CACHD1: variants seen among roughly 807,000 people sequenced by gnomAD.
CACHD1 encodes cache domain containing 1.
CACHD1 carries 71 observed loss-of-function variants against 138.7 expected under a neutral mutation model. The ratio of observed to expected loss-of-function variants is 0.51; its 90% CI spans 0.42 to 0.62. The LOEUF (loss-of-function observed/expected upper bound fraction) is 0.62, where lower values mean the gene tolerates loss of function less well. Among genes scored for constraint, CACHD1 ranks in the 20% least tolerant of loss-of-function variants. CACHD1 has a pLI of 0.00. For synonymous variants in CACHD1, 578 were observed against 591.5 expected (o/e 0.98, Z 0.33); for missense variants, 1,389 against 1,625.3 (o/e 0.85, Z 2.50).
At chr1:64,610,706 C>T (rs1647501539) in intron 4 of CACHD1, among the ~76,000 whole-genome samples, 2 of 152,214 alleles carry the variant, frequency 1.3e-5, no homozygotes, top group Non-Finnish European at 2.9e-5. Context: ...TGAGTGTTTG[C>T]AGCTTTTCCA....
Position 64,678,322 on chromosome 1 carries a change from A to G in CACHD1, c.3244+12A>G, listed in dbSNP as rs766552310. The G allele has an allele frequency of 1.9e-6, 3 of 1,544,028 alleles. No homozygotes were observed. The highest frequency in any genetic ancestry group is 2.2e-5 in the Admixed American group (1 of 45,018). On this transcript the variant is annotated intron_variant, in intron 23 of 26. Coordinates refer to ENST00000651257, the MANE Select transcript of CACHD1 (RefSeq NM_020925.4). ...CATGGGAGCAATAGGTATGTTTGTT[A>G]GATGCCCCAACAATTTGATTCTTGA...
intron 1 of CACHD1, among the ~76,000 whole-genome samples, chr1:64,528,241 C>T (rs1270899544): frequency 6.6e-6 from 1 of 152,192 alleles, no homozygotes; most frequent in Non-Finnish European, 1.5e-5. Flanking sequence ...AGCTAATTTA[C>T]TGCAAATGAA....
intron 3 of CACHD1, among the ~76,000 whole-genome samples, chr1:64,588,453 GC>G (rs1647070022): frequency 6.8e-6 from 1 of 147,432 alleles, no homozygotes; most frequent in Non-Finnish European, 1.5e-5. Context: ...ACAGAGTCTC[GC>G]TCTGTTGTCC....
At chr1:64,584,865 A>T (rs1427414336) in intron 3 of CACHD1, among the ~76,000 whole-genome samples, 1 of 152,188 alleles carries the variant, frequency 6.6e-6, no homozygotes. Context: ...ATTGAGCATA[A>T]TTAATAGGGC....
chr1:64,533,758 T>TC (rs1646608444), intron 1 of CACHD1, among the ~76,000 whole-genome samples: 1 of 150,476 alleles, frequency 6.6e-6, no homozygotes, highest in Non-Finnish European at 1.5e-5. Flanking sequence ...CTTTTTTTTT[T>TC]TTTTTTTTTG....
chr1:64,658,367 A>G (rs1257387796), intron 12 of CACHD1, among the ~76,000 whole-genome samples: 3 of 152,224 alleles, frequency 2.0e-5, no homozygotes, highest in African/African-American at 7.2e-5. Flanking sequence ...TAAGTGTTAT[A>G]TTATTATGTC....
chr1:64,487,585 A>G (rs1286589788), intron 1 of CACHD1, among the ~76,000 whole-genome samples: 2 of 152,060 alleles, frequency 1.3e-5, no homozygotes, highest in African/African-American at 2.4e-5. Context: ...ACAGGGAATG[A>G]TTTTGATCAT....
At chr1:64,689,996 G>T (rs372921468) in intron 26 of CACHD1, among the ~76,000 whole-genome samples, 1 of 152,170 alleles carries the variant, frequency 6.6e-6, no homozygotes, top group African/African-American at 2.4e-5. Context: ...GAAAGATGAC[G>T]TCTCTTATTC....
At chr1:64,508,233 C>T (rs1404566750) in intron 1 of CACHD1, among the ~76,000 whole-genome samples, 1 of 152,186 alleles carries the variant, frequency 6.6e-6, no homozygotes, top group East Asian at 1.9e-4. Context: ...CAGGCCCCTC[C>T]GTCTTCCAAC....
At chr1:64,594,112 C>T (rs866258784) in intron 3 of CACHD1, among the ~76,000 whole-genome samples, 4 of 151,878 alleles carry the variant, frequency 2.6e-5, no homozygotes, top group Admixed American at 6.6e-5. Context: ...AAATTAGCTG[C>T]GCATGATGGT....
intron 3 of CACHD1, among the ~76,000 whole-genome samples, chr1:64,597,176 G>A (rs1647160168): frequency 6.6e-6 from 1 of 152,104 alleles, no homozygotes; most frequent in Non-Finnish European, 1.5e-5. Context: ...GTGAATCGAG[G>A]CTGAATGAAA....
chr1:64,478,756 T>A (rs1173156357), intron 1 of CACHD1, among the ~76,000 whole-genome samples: 2 of 152,044 alleles, frequency 1.3e-5, no homozygotes, highest in Non-Finnish European at 2.9e-5. Context: ...TTCAACACAA[T>A]GAATGAAGTG....
At chr1:64,683,674 A>G (rs1036229202) in intron 26 of CACHD1, among the ~76,000 whole-genome samples, 1 of 152,224 alleles carries the variant, frequency 6.6e-6, no homozygotes, top group Non-Finnish European at 1.5e-5. Context: ...ATTTTTCTCC[A>G]TAATTGGATC....
chr1:64,654,018 G>A, intron 11 of CACHD1, 137 bp downstream of exon 11: 1 of 762,272 alleles, frequency 1.3e-6, no homozygotes, highest in Middle Eastern at 4.1e-4. Flanking sequence ...TCTCAGTAAT[G>A]TTTCCGTAAG....
At chr1:64,593,435 A>G (rs527456798) in intron 3 of CACHD1, among the ~76,000 whole-genome samples, 2 of 152,312 alleles carry the variant, frequency 1.3e-5, no homozygotes, top group East Asian at 3.9e-4. Flanking sequence ...TACTGTTTTT[A>G]TGAGAAATAA....
At position 64,582,220 on chromosome 1, in the gene CACHD1, T is replaced by C; in HGVS notation, c.326T>C (p.Val109Ala). ...YLDVVNRNKQ[V>A]VEASYTAHLT... ...GATGTGGTCAATCGGAACAAGCAAG[T>C]TGTAGAAGCATCCTATACGGCTCAC... The change falls in exon 3 of 27, where the codon GTT becomes GCT. Residue 109 changes from valine (V) to alanine (A), a missense_variant. Physicochemically the swap from Val to Ala is moderately conservative, Grantham distance 64. Around this residue, in one of 5 missense-constraint regions of CACHD1, gnomAD observed 1,000 missense variants for 1,114.7 expected, o/e 0.90. Transcript: ENST00000651257. 6.2e-7 allele frequency: 1 copy of C among 1,614,042 alleles called. No individual in the cohort carries two copies. Among genetic ancestry groups the C allele is most frequent in the South Asian group, 1.1e-5 (1 of 91,074 alleles).
intron 2 of CACHD1, among the ~76,000 whole-genome samples, chr1:64,573,917 C>G (rs998736554): frequency 6.6e-6 from 1 of 152,090 alleles, no homozygotes; most frequent in Admixed American, 6.6e-5. Flanking sequence ...TCAATTAGTT[C>G]TAATTATTGT....
At chr1:64,600,130 A>G (rs557267934) in intron 3 of CACHD1, among the ~76,000 whole-genome samples, 1 of 152,312 alleles carries the variant, frequency 6.6e-6, no homozygotes, top group South Asian at 2.1e-4. Flanking sequence ...CTTGGAGAGC[A>G]AAGTCCAGAT....
chr1:64,659,854 G>A (rs764070016), intron 13 of CACHD1, among the ~76,000 whole-genome samples: 11 of 152,200 alleles, frequency 7.2e-5, no homozygotes, highest in Admixed American at 1.3e-4. Context: ...ATAAAATCAA[G>A]GCTAGAAGTC....
Sources: allele counts gnomAD v4.1 joint callset (sites outside exome capture counted in the v4.1 genomes callset), GRCh38; gene constraint gnomAD v4.1.1; regional missense constraint gnomAD v4.1.1; transcripts MANE v1.5; gene names NCBI Gene and HGNC (gene_info 2026-07-23, HGNC 2026-07-21).